The following PAK4 variants were observed in gnomAD, a reference collection of about 807,000 sequenced individuals.
PAK4 encodes p21 (RAC1) activated kinase 4, also known as serine/threonine-protein kinase PAK 4.
In PAK4, 49 loss-of-function variants were observed where a neutral mutation model predicts 53.5. That is an observed-to-expected ratio of 0.92 (90% CI 0.73 to 1.16). PAK4 has a LOEUF of 1.16. PAK4 is among the 50% of genes most tolerant of loss of function. PAK4 has a pLI of 0.00. For synonymous variants in PAK4, 376 were observed against 375.6 expected (o/e 1.00, Z -0.01); for missense variants, 824 against 850.7 (o/e 0.97, Z 0.39).
chr19:39,152,473 G>A (rs1454309796), intron 1 of PAK4: 1 of 152,186 alleles, frequency 6.6e-6, no homozygotes, highest in African/African-American at 2.4e-5. Context: ...AAGAGAAGCT[G>A]TAAAGTGCTT....
intron 7 of PAK4, among the ~76,000 whole-genome samples, 187 bp from the exon 9 acceptor site, chr19:39,177,488 C>G (rs1032097153): frequency 1.3e-5 from 2 of 152,090 alleles, no homozygotes; most frequent in East Asian, 3.9e-4. Flanking sequence ...GGGGGCAGCT[C>G]TCTTGAGGGG....
At chr19:39,149,284 A>G (rs946223275) in intron 1 of PAK4, among the ~76,000 whole-genome samples, 1 of 152,238 alleles carries the variant, frequency 6.6e-6, no homozygotes, top group Non-Finnish European at 1.5e-5. Context: ...AAAAGATGGT[A>G]TACATGATGG....
At chr19:39,182,431 A>C (rs2074707923), downstream of PAK4, 1 of 152,224 alleles carries the variant, frequency 6.6e-6, no homozygotes, top group Non-Finnish European at 1.5e-5. Flanking sequence ...GCTGGGCTTC[A>C]CCCTGGACTT....
Sources: allele counts gnomAD v4.1 joint callset (sites outside exome capture counted in the v4.1 genomes callset), GRCh38; gene constraint gnomAD v4.1.1; transcripts MANE v1.5; gene names NCBI Gene and HGNC (gene_info 2026-07-23, HGNC 2026-07-21).